UBA6: variants seen among roughly 807,000 people sequenced by gnomAD.
UBA6 encodes the protein ubiquitin like modifier activating enzyme 6, also known as ubiquitin-like modifier-activating enzyme 6.
UBA6 carries 87 observed loss-of-function variants against 148.3 expected under a neutral mutation model. That is an observed-to-expected ratio of 0.59 (90% CI 0.49 to 0.70). UBA6 has a LOEUF of 0.70. Ranked by LOEUF, UBA6 falls within the 30% of genes least tolerant of loss-of-function variation. UBA6 has a pLI of 0.00. For missense variants in UBA6, 1,186 were observed against 1,241.2 expected (o/e 0.96, Z 0.67); for synonymous variants, 376 against 401.0 (o/e 0.94, Z 0.75).
chr4:67,664,783 T>C (rs1232117582), intron 10 of UBA6, among the ~76,000 whole-genome samples: 1 of 152,160 alleles, frequency 6.6e-6, no homozygotes, highest in African/African-American at 2.4e-5. Flanking sequence ...TTGAATATCT[T>C]CATTTTAGAA....
chr4:67,651,623 A>T (rs947676182), intron 13 of UBA6, among the ~76,000 whole-genome samples: 1 of 152,182 alleles, frequency 6.6e-6, no homozygotes, highest in Non-Finnish European at 1.5e-5. Flanking sequence ...TATGAAACAT[A>T]TAAAAACTCA....
chr4:67,632,089 G>A (rs1250684494), intron 23 of UBA6, among the ~76,000 whole-genome samples, 181 bp from the exon 24 acceptor site: 1 of 152,256 alleles, frequency 6.6e-6, no homozygotes, highest in African/African-American at 2.4e-5. Context: ...CCATTCTCCT[G>A]TCAATGTCCC....
chr4:67,683,423 A>G (rs1435278799), intron 2 of UBA6, among the ~76,000 whole-genome samples: 4 of 152,122 alleles, frequency 2.6e-5, no homozygotes, highest in African/African-American at 9.7e-5. Flanking sequence ...ATTCTTATAA[A>G]CATCTCCTGG....
chr4:67,693,937 G>A (rs1730760892), intron 2 of UBA6, among the ~76,000 whole-genome samples: 1 of 151,940 alleles, frequency 6.6e-6, no homozygotes, highest in Non-Finnish European at 1.5e-5. Context: ...AAATACAGCT[G>A]GGCACGGTGG....
In UBA6 at chr4:67,616,128, C is replaced by A. The variant is rs1577781167; in HGVS notation, c.*2869G>T. 2 of 394,730 alleles carry A rather than the reference C, an allele frequency of 5.1e-6. No homozygotes were observed. Among genetic ancestry groups the A allele is most frequent in the East Asian group, 7.2e-5 (2 of 27,806 alleles). 24.5% of individuals were successfully genotyped at this position (394,730 alleles called of 1,614,324 possible). ...AATGAACACATATTATCAATGGATA[C>A]TTAACTCTGATCCTCAAGAGCTCAA... is the stretch of plus-strand genomic sequence containing the variant. On this transcript the variant is annotated 3_prime_UTR_variant, in exon 33 of 33. Transcript: ENST00000322244.
chr4:67,633,271 A>G, intron 23 of UBA6, 74 bp downstream of exon 23: 1 of 1,299,856 alleles, frequency 7.7e-7, no homozygotes, highest in Non-Finnish European at 1.0e-6. Context: ...ATTTCAGGTC[A>G]ATGAAATTAA....
chr4:67,665,361 C>A, intron 9 of UBA6, 69 bp from the exon 10 acceptor site: 2 of 882,288 alleles, frequency 2.3e-6, no homozygotes, highest in Admixed American at 2.8e-5. Flanking sequence ...CTCTTATTGT[C>A]ATAAGAGGTT....
At chr4:67,681,514 CA>C (rs763169422) in intron 4 of UBA6, 48 bp downstream of exon 4, 2,346 of 1,243,396 alleles carry the variant, frequency 1.9e-3, no homozygotes, top group South Asian at 3.3e-3. Flanking sequence ...ACAAATGAGC[CA>C]AAAAAAAAGG....
chr4:67,644,023 T>G (rs1313930013), intron 17 of UBA6, among the ~76,000 whole-genome samples: 1 of 152,100 alleles, frequency 6.6e-6, no homozygotes, highest in Non-Finnish European at 1.5e-5. Context: ...ATTGGAATAA[T>G]AAGCTAAGTT....
chr4:67,631,033 A>G (rs1728984881), intron 25 of UBA6, among the ~76,000 whole-genome samples: 1 of 152,118 alleles, frequency 6.6e-6, no homozygotes. Flanking sequence ...TGCTGAAAGG[A>G]AGGTTAGTGA....
At chr4:67,660,449 T>C (rs1244216104) in intron 13 of UBA6, among the ~76,000 whole-genome samples, 2 of 152,228 alleles carry the variant, frequency 1.3e-5, no homozygotes, top group Non-Finnish European at 2.9e-5. Context: ...GGGGCCAATG[T>C]ACAGCTCAGG....
chr4:67,651,042 C>T (rs146182669), intron 13 of UBA6, among the ~76,000 whole-genome samples: 1 of 152,102 alleles, frequency 6.6e-6, no homozygotes, highest in Non-Finnish European at 1.5e-5. Flanking sequence ...CTAAAAAGCA[C>T]CTAAAACCCT....
At position 67,618,690 on chromosome 4, in the gene UBA6, C is replaced by T. The variant is rs551088925; in HGVS notation, c.*307G>A. 2.8e-5 allele frequency: 6 copies of T among 216,846 alleles called. No homozygotes were observed. The East Asian group carries it at 5.1e-4, about 18-fold the overall frequency. 13.4% of individuals were successfully genotyped at this position (216,846 alleles called of 1,614,324 possible). On this transcript the variant is annotated 3_prime_UTR_variant, in exon 33 of 33. Coordinates refer to ENST00000322244, the MANE Select transcript of UBA6 (RefSeq NM_018227.6). ...TTCATCCATATCTGTTCTGGTCATACATATTTTTTCCTTCTTTTTATCCAG... is the reference window on the plus strand; with the variant it reads ...TTCATCCATATCTGTTCTGGTCATATATATTTTTTCCTTCTTTTTATCCAG...
chr4:67,687,885 C>A (rs1044314780), intron 2 of UBA6, among the ~76,000 whole-genome samples: 27 of 152,046 alleles, frequency 1.8e-4, no homozygotes, highest in African/African-American at 6.5e-4. Context: ...TGCATTTGTA[C>A]CCCTGAATTT....
intron 4 of UBA6, among the ~76,000 whole-genome samples, chr4:67,679,757 T>G (rs556372210): frequency 2.0e-5 from 3 of 152,142 alleles, no homozygotes; most frequent in Non-Finnish European, 4.4e-5. Context: ...AAGTAAAAAT[T>G]AGAAATTTTA....
chr4:67,698,707 C>T lies in UBA6; in HGVS notation c.72-2000G>A, dbSNP rs551327208. Among the ~76,000 whole-genome samples the T allele has an allele frequency of 7.2e-5, 11 of 152,288 alleles. 1 individual carries two copies. The highest frequency in any genetic ancestry group is 3.4e-3 in the Middle Eastern group (1 of 294). ...GGGCGCGGTGGCTCATGCTTGTAAT[C>T]CCAGCACTTTGGGAGGCCAAGGCAG... is the stretch of plus-strand genomic sequence containing the variant. On this transcript the variant is annotated intron_variant, in intron 1 of 32. Transcript: ENST00000322244.
chr4:67,671,981 C>A (rs1257894807), intron 7 of UBA6, among the ~76,000 whole-genome samples: 2 of 151,916 alleles, frequency 1.3e-5, no homozygotes, highest in East Asian at 1.9e-4. Context: ...TAGGCCCCCA[C>A]CCCACCCCAC....
intron 13 of UBA6, among the ~76,000 whole-genome samples, chr4:67,660,320 G>A (rs1729817167): frequency 6.6e-6 from 1 of 152,190 alleles, no homozygotes. Context: ...CAAGGAAGCT[G>A]CTCCCATCAC....
intron 7 of UBA6, among the ~76,000 whole-genome samples, chr4:67,672,099 C>T (rs12643686): frequency 0.15 from 23,027 of 152,048 alleles, 1,812 homozygotes; most frequent in South Asian, 0.22. Context: ...ACTGCAGTAA[C>T]TGCTAACTAG....
Sources: allele counts gnomAD v4.1 joint callset (sites outside exome capture counted in the v4.1 genomes callset), GRCh38; gene constraint gnomAD v4.1.1; transcripts MANE v1.5; gene names NCBI Gene and HGNC (gene_info 2026-07-23, HGNC 2026-07-21).